Variants in GIT2 observed in about 807,000 individuals in gnomAD.
GIT2 encodes the protein GIT ArfGAP 2.
A neutral mutation model predicts 100.3 loss-of-function variants in GIT2; 32 were observed. The ratio of observed to expected loss-of-function variants is 0.32; its 90% CI spans 0.24 to 0.43. GIT2 has a LOEUF of 0.43. Ranked by LOEUF, GIT2 falls within the 20% of genes least tolerant of loss-of-function variation. GIT2 has a pLI of 1.00. For synonymous variants in GIT2, 353 were observed against 364.1 expected, an observed-to-expected ratio of 0.97 and a Z score of 0.35; for missense variants, 737 against 975.1, an observed-to-expected ratio of 0.76 and a Z score of 3.25.
intron 4 of GIT2, among the ~76,000 whole-genome samples, chr12:109,985,125 A>AT (rs1412861352): frequency 6.6e-6 from 1 of 152,020 alleles, no homozygotes; most frequent in Non-Finnish European, 1.5e-5. Context: ...TCTAAGTTTA[A>AT]TTTTTTAAAT....
Position 109,934,162 on chromosome 12 carries a change from G to T in GIT2, c.2004-77C>A. On this transcript the variant is annotated intron_variant, in intron 18 of 19. Coordinates refer to ENST00000355312, the MANE Select transcript of GIT2 (RefSeq NM_057169.5). This position sits in a 1 kb window ranked among gnomAD's most constrained non-coding sequence, Gnocchi z 4.5. ...CAAAGAGGACTCAAGTGCTAGAACAGATTCTGTTTACATTCCCTTCATGAA... is the reference window on the plus strand; with the variant it reads ...CAAAGAGGACTCAAGTGCTAGAACATATTCTGTTTACATTCCCTTCATGAA... 1 of 830,472 alleles carries T rather than the reference G, an allele frequency of 1.2e-6. No homozygotes were observed. Among genetic ancestry groups the T allele is most frequent in the Non-Finnish European group, 2.1e-6 (1 of 469,250 alleles). The allele number at this position is 830,472 out of a possible 1,614,324, so 51.4% of individuals were successfully genotyped here.
At chr12:109,953,789 A>G (rs1045332237) in intron 12 of GIT2, 5 of 152,306 alleles carry the variant, frequency 3.3e-5, no homozygotes, top group African/African-American at 9.6e-5. Context: ...TACCTGCCAA[A>G]TATGGGCAAA....
Position 109,991,700 on chromosome 12 carries a change from T to C in GIT2, c.113A>G (p.His38Arg). The C allele has an allele frequency of 1.2e-6, 2 of 1,612,838 alleles. No homozygotes were observed. Among genetic ancestry groups the C allele is most frequent in the Non-Finnish European group, 1.7e-6 (2 of 1,178,794 alleles). The change falls in exon 2 of 20, where the codon CAT (histidine) becomes CGT (arginine). Residue 38 changes from histidine (H) to arginine (R), a missense_variant. Transcript: ENST00000355312. ...GGAGATATGGCGCCCTAGACTCCGA[T>C]GGACACTGCAGCACTCATCACATAA... is the stretch of plus-strand genomic sequence containing the variant. Reference protein sequence around the residue: ...TFLCDECCSVHRSLGRHISQV... With the variant: ...TFLCDECCSVRRSLGRHISQV...
chr12:109,975,724 T>C (rs1241163712), intron 7 of GIT2, among the ~76,000 whole-genome samples: 1 of 151,780 alleles, frequency 6.6e-6, no homozygotes, highest in Non-Finnish European at 1.5e-5. Flanking sequence ...TTTTTAATAC[T>C]CCATTTTCAT....
intron 7 of GIT2, among the ~76,000 whole-genome samples, chr12:109,970,826 G>T (rs563777730): frequency 4.1e-4 from 63 of 152,296 alleles, no homozygotes; most frequent in African/African-American, 1.5e-3. Flanking sequence ...GTCTCACTCT[G>T]TTGCCAAGGC....
At chr12:109,998,861 T>G (rs1010866954), upstream of GIT2, 2 of 152,094 alleles carry the variant, frequency 1.3e-5, no homozygotes, top group Non-Finnish European at 2.9e-5. Context: ...GGGCAACTGC[T>G]CAGCATCCTA....
rs1409023960 is a variant in GIT2 at position 109,962,250 on chromosome 12, G to A, written c.817-565C>T. On this transcript the variant is annotated intron_variant, in intron 9 of 19. Transcript: ENST00000355312. This position sits in a 1 kb window ranked among gnomAD's most constrained non-coding sequence, Gnocchi z 4.3. ...CACTTGTAGTGCCAACTACTCAGGA[G>A]GCTGAGGCAGGAGGATCACTTCAGC... Among the ~76,000 whole-genome samples the A allele has an allele frequency of 1.3e-5, 2 of 152,198 alleles. No homozygotes were observed. Among genetic ancestry groups the A allele is most frequent in the African/African-American group, 2.4e-5 (1 of 41,464 alleles).
chr12:109,959,811 CA>C, intron 12 of GIT2, 35 bp downstream of exon 12: 7 of 1,282,118 alleles, frequency 5.5e-6, no homozygotes, highest in Admixed American at 1.7e-5. Context: ...TTTAGAGGGC[CA>C]AAAAATGCAA....
chr12:109,982,136 G>A (rs940546698), intron 6 of GIT2: 2 of 152,250 alleles, frequency 1.3e-5, no homozygotes, highest in East Asian at 1.9e-4. Flanking sequence ...GACCCACTCT[G>A]TTCTTTCCAG....
chr12:109,938,288 C>T, intron 18 of GIT2, 92 bp downstream of exon 18: 1 of 847,736 alleles, frequency 1.2e-6, no homozygotes, highest in Non-Finnish European at 1.9e-6. Context: ...AGTCAGCATG[C>T]TGGGAATAGC....
In GIT2 at chr12:109,933,379, T is replaced by C. The variant is rs1872040562; in HGVS notation, c.2068-189A>G. The C allele has an allele frequency of 3.8e-6, 2 of 529,062 alleles. No individual in the cohort carries two copies. The highest frequency in any genetic ancestry group is 2.9e-5 in the East Asian group (1 of 34,288). The allele number at this position is 529,062 out of a possible 1,614,324, so 32.8% of individuals were successfully genotyped here. The stretch of plus-strand genomic sequence containing the variant: ...CCACAGCGTAAGAGATGCTGAAATA[T>C]TCTGATTCAAAGGTCAAAGTGCATG... On this transcript the variant is annotated intron_variant, in intron 19 of 19. Transcript: ENST00000355312. This position sits in a 1 kb window ranked among gnomAD's most constrained non-coding sequence, Gnocchi z 4.5.
At chr12:109,946,656 A>G (rs1876424631) in intron 15 of GIT2, among the ~76,000 whole-genome samples, 1 of 152,176 alleles carries the variant, frequency 6.6e-6, no homozygotes, top group African/African-American at 2.4e-5. Flanking sequence ...TGAGACAACA[A>G]AGCCACACTT....
intron 1 of GIT2, among the ~76,000 whole-genome samples, chr12:109,992,847 T>C (rs1156332762): frequency 6.6e-6 from 1 of 152,018 alleles, no homozygotes; most frequent in East Asian, 1.9e-4. Flanking sequence ...ATTTTTGTTA[T>C]TTTTAGTACA....
At position 109,984,739 on chromosome 12, in the gene GIT2, G is replaced by A. The variant is rs543016108; in HGVS notation, c.406-1045C>T. Among the ~76,000 whole-genome samples the A allele has an allele frequency of 3.3e-5, 5 of 152,234 alleles. No homozygotes were observed. In the East Asian group the frequency reaches 9.7e-4, roughly 30 times the overall value. On this transcript the variant is annotated intron_variant, in intron 4 of 19. Coordinates refer to ENST00000355312, the MANE Select transcript of GIT2 (RefSeq NM_057169.5). ...TGGGATTACAGGCATGAGCTACCGT[G>A]CCTGGCCCTATTCACAGGGTTATTA...
intron 8 of GIT2, among the ~76,000 whole-genome samples, chr12:109,966,479 A>C (rs1882441806): frequency 7.3e-6 from 1 of 137,760 alleles, no homozygotes; most frequent in African/African-American, 2.7e-5. Flanking sequence ...ATTGCACTCC[A>C]GTCTGGGCGA....
chr12:109,956,686 T>A (rs899871680), intron 12 of GIT2, among the ~76,000 whole-genome samples: 1 of 152,168 alleles, frequency 6.6e-6, no homozygotes. Context: ...AAATATGTTT[T>A]CCTTACAAAA....
chr12:109,956,076 G>A (rs570483343), intron 12 of GIT2, among the ~76,000 whole-genome samples: 9 of 152,142 alleles, frequency 5.9e-5, no homozygotes, highest in South Asian at 2.1e-4. Context: ...TTACAGGCAC[G>A]CGTCACCATG....
At chr12:109,996,000 C>T in intron 1 of GIT2, 173 bp downstream of exon 1, 1 of 476,490 alleles carries the variant, frequency 2.1e-6, no homozygotes, top group South Asian at 3.2e-5. Context: ...GGGCGGCGGC[C>T]CCCTGCCCGC....
chr12:109,939,588 C>T (rs1166466887), intron 16 of GIT2: 1 of 166,684 alleles, frequency 6.0e-6, no homozygotes, highest in Non-Finnish European at 1.3e-5. Context: ...TGGTGGCTCA[C>T]ACCTGTAATC....
Sources: gnomAD v4.1 joint callset for allele counts (sites outside exome capture counted in the v4.1 genomes callset) on GRCh38, gnomAD v4.1.1 for gene constraint, Gnocchi (gnomAD v3.1) non-coding constraint, MANE v1.5 for transcripts, NCBI Gene and HGNC (gene_info 2026-07-23, HGNC 2026-07-21) for gene names.